BCKDHB: variants seen among roughly 807,000 people sequenced by gnomAD.
The protein encoded by BCKDHB is branched chain keto acid dehydrogenase E1 subunit beta, also known as 2-oxoisovalerate dehydrogenase subunit beta, mitochondrial.
Under a neutral mutation model 48.5 loss-of-function variants are expected in BCKDHB, and 41 were observed. That is an observed-to-expected ratio of 0.85 (90% CI 0.66 to 1.10). The LOEUF is 1.10. Among genes scored for constraint, BCKDHB ranks in the 50% least tolerant of loss-of-function variants. BCKDHB has a pLI of 0.00. For synonymous variants in BCKDHB, 201 were observed against 174.8 expected (o/e 1.15, Z -1.18); for missense variants, 496 against 494.2 (o/e 1.00, Z -0.03).
chr6:80,403,810 C>T, the BCKDHB span, among the ~76,000 whole-genome samples: 658 of 151,976 alleles, frequency 4.3e-3, 4 homozygotes, highest in Non-Finnish European at 5.1e-3. Context: ...TTGTTGCATG[C>T]CTTTTCTGCA....
intron 8 of BCKDHB, among the ~76,000 whole-genome samples, chr6:80,248,377 G>C (rs1052135335): frequency 3.9e-5 from 6 of 152,072 alleles, no homozygotes; most frequent in African/African-American, 1.4e-4. Flanking sequence ...GCGTTGCTTG[G>C]TTTTGTTTTA....
the BCKDHB span, among the ~76,000 whole-genome samples, chr6:80,377,378 G>A: frequency 6.6e-6 from 1 of 151,996 alleles, no homozygotes; most frequent in African/African-American, 2.4e-5. Flanking sequence ...AATTTTTTTG[G>A]TTGGTCATCC....
chr6:80,198,303 A>C (rs1374996262), intron 6 of BCKDHB, among the ~76,000 whole-genome samples: 2 of 152,146 alleles, frequency 1.3e-5, no homozygotes, highest in Non-Finnish European at 2.9e-5. Context: ...GACTCAACAT[A>C]GTTTGGGAGC....
At chr6:80,242,544 C>T (rs1776431957) in intron 8 of BCKDHB, among the ~76,000 whole-genome samples, 1 of 151,910 alleles carries the variant, frequency 6.6e-6, no homozygotes, top group African/African-American at 2.4e-5. Context: ...TGTTAAGTGA[C>T]ACACACACAT....
chr6:80,414,847 G>C, the BCKDHB span, among the ~76,000 whole-genome samples: 1 of 152,124 alleles, frequency 6.6e-6, no homozygotes, highest in African/African-American at 2.4e-5. Flanking sequence ...GCTTTGGGCT[G>C]TTTGGACATT....
intron 3 of BCKDHB, among the ~76,000 whole-genome samples, chr6:80,133,383 A>G (rs1192804949): frequency 6.6e-6 from 1 of 152,250 alleles, no homozygotes; most frequent in African/African-American, 2.4e-5. Flanking sequence ...GTGTGGATTT[A>G]GTACCACTAA....
chr6:80,327,412 AT>A (rs973879388), intron 9 of BCKDHB, among the ~76,000 whole-genome samples: 2 of 152,192 alleles, frequency 1.3e-5, no homozygotes, highest in African/African-American at 4.8e-5. Flanking sequence ...AAATCAAAAA[AT>A]TTTTAAGTTG....
the BCKDHB span, chr6:80,374,303 T>C: frequency 3.2e-6 from 3 of 951,152 alleles, no homozygotes; most frequent in African/African-American, 4.8e-5. Flanking sequence ...GCAGCAAAAA[T>C]TCAGCACTCT....
the BCKDHB span, among the ~76,000 whole-genome samples, chr6:80,460,083 ATG>A: frequency 6.6e-6 from 1 of 152,176 alleles, no homozygotes; most frequent in African/African-American, 2.4e-5. Flanking sequence ...ATTAGAAAAG[ATG>A]TAAGAAATAT....
chr6:80,223,952 T>A (rs1057374318), intron 8 of BCKDHB, among the ~76,000 whole-genome samples: 2 of 152,196 alleles, frequency 1.3e-5, no homozygotes, highest in Admixed American at 1.3e-4. Context: ...AATAGATGGT[T>A]GGAAATGTGG....
At chr6:80,302,747 A>G (rs988382998) in intron 9 of BCKDHB, among the ~76,000 whole-genome samples, 2 of 152,194 alleles carry the variant, frequency 1.3e-5, no homozygotes, top group African/African-American at 4.8e-5. Context: ...TTTAAACCAT[A>G]TTCTGGATTT....
At chr6:80,194,999 CTG>C (rs1374812526) in intron 6 of BCKDHB, among the ~76,000 whole-genome samples, 5 of 152,196 alleles carry the variant, frequency 3.3e-5, no homozygotes, top group African/African-American at 1.2e-4. Context: ...CCTTGGGACA[CTG>C]AGACTTATTA....
At chr6:80,287,094 A>G (rs1052244827) in intron 9 of BCKDHB, among the ~76,000 whole-genome samples, 9 of 152,162 alleles carry the variant, frequency 5.9e-5, no homozygotes, top group African/African-American at 1.2e-4. Context: ...TGTTGATCCA[A>G]CTGTTAAAAA....
the BCKDHB span, among the ~76,000 whole-genome samples, chr6:80,383,324 T>A: frequency 6.6e-6 from 1 of 152,120 alleles, no homozygotes; most frequent in African/African-American, 2.4e-5. Flanking sequence ...GATTTATGAG[T>A]TCCTGACATA....
chr6:80,276,603 C>T (rs1777978069), intron 9 of BCKDHB, among the ~76,000 whole-genome samples: 1 of 151,522 alleles, frequency 6.6e-6, no homozygotes, highest in Non-Finnish European at 1.5e-5. Flanking sequence ...TTACAAAACT[C>T]TAGTTTATAG....
At chr6:80,328,161 GGAAAACTA>G (rs1457850904) in intron 9 of BCKDHB, among the ~76,000 whole-genome samples, 1 of 152,096 alleles carries the variant, frequency 6.6e-6, no homozygotes, top group East Asian at 1.9e-4. Flanking sequence ...TTAAGATAAG[GGAAAACTA>G]GATTTTGCAG....
At chr6:80,424,061 C>A in the BCKDHB span, among the ~76,000 whole-genome samples, 3 of 152,168 alleles carry the variant, frequency 2.0e-5, no homozygotes, top group South Asian at 6.2e-4. Context: ...AATTTTGTTG[C>A]ATAAAGTGAG....
At chr6:80,241,108 T>C (rs926797434) in intron 8 of BCKDHB, among the ~76,000 whole-genome samples, 13 of 152,126 alleles carry the variant, frequency 8.5e-5, no homozygotes, top group African/African-American at 3.1e-4. Flanking sequence ...ATCAGGTCAT[T>C]TAAGGTCTTC....
At chr6:80,250,175 C>A (rs1384987083) in intron 8 of BCKDHB, among the ~76,000 whole-genome samples, 1 of 152,262 alleles carries the variant, frequency 6.6e-6, no homozygotes, top group East Asian at 1.9e-4. Flanking sequence ...CACCACCTCA[C>A]AGCCAATATT....
Sources: gnomAD v4.1 joint callset for allele counts (sites outside exome capture counted in the v4.1 genomes callset) on GRCh38, gnomAD v4.1.1 for gene constraint, MANE v1.5 for transcripts, NCBI Gene and HGNC (gene_info 2026-07-23, HGNC 2026-07-21) for gene names.